The following ROBO2 variants were observed in gnomAD, a reference collection of about 807,000 sequenced individuals.
ROBO2 encodes the protein roundabout guidance receptor 2.
In ROBO2, 53 loss-of-function variants were observed where a neutral mutation model predicts 160.8. The observed-to-expected ratio is 0.33, with a 90% CI of 0.26 to 0.41. The LOEUF is 0.41. Ranked by LOEUF, ROBO2 falls within the 10% of genes least tolerant of loss-of-function variation. ROBO2 has a pLI of 1.00. For synonymous variants in ROBO2, 664 were observed against 611.7 expected, an observed-to-expected ratio of 1.09 and a Z score of -1.26; for missense variants, 1,577 against 1,722.4, an observed-to-expected ratio of 0.92 and a Z score of 1.49.
chr3:77,021,415 C>T (rs150905898), intron 2 of ROBO2, among the ~76,000 whole-genome samples: 10 of 152,244 alleles, frequency 6.6e-5, no homozygotes, highest in African/African-American at 2.4e-4. Flanking sequence ...ATCTCTCTCC[C>T]TCAAAGTACA....
At chr3:76,556,166 T>C (rs1420963622) in intron 2 of ROBO2, among the ~76,000 whole-genome samples, 1 of 152,048 alleles carries the variant, frequency 6.6e-6, no homozygotes, top group East Asian at 1.9e-4. Context: ...AAAAACTCCA[T>C]AGGTTGTAGT....
intron 2 of ROBO2, among the ~76,000 whole-genome samples, chr3:76,681,379 T>C (rs949891880): frequency 1.3e-4 from 20 of 152,294 alleles, no homozygotes; most frequent in African/African-American, 4.6e-4. Context: ...CTAAGCACTT[T>C]GCATTCAACC....
At chr3:77,030,221 G>A (rs2063233876) in intron 2 of ROBO2, among the ~76,000 whole-genome samples, 1 of 152,200 alleles carries the variant, frequency 6.6e-6, no homozygotes, top group African/African-American at 2.4e-5. Flanking sequence ...TGGGATTACA[G>A]GCGTAAGCCA....
chr3:76,510,579 C>A (rs2081037147), intron 2 of ROBO2, among the ~76,000 whole-genome samples: 1 of 152,064 alleles, frequency 6.6e-6, no homozygotes, highest in Admixed American at 6.6e-5. Context: ...CACAAATTAG[C>A]CAGATGTGGT....
intron 2 of ROBO2, among the ~76,000 whole-genome samples, chr3:77,283,312 C>T (rs764376156): frequency 6.6e-6 from 1 of 152,146 alleles, no homozygotes; most frequent in Non-Finnish European, 1.5e-5. Context: ...TGCTCTCACA[C>T]AACGTTACAG....
At chr3:76,484,937 T>C (rs946706471) in intron 2 of ROBO2, among the ~76,000 whole-genome samples, 1 of 152,104 alleles carries the variant, frequency 6.6e-6, no homozygotes, top group South Asian at 2.1e-4. Context: ...CAGGGCCCTA[T>C]TTGGTCAACT....
At chr3:77,418,306 A>C (rs1014105449) in intron 2 of ROBO2, among the ~76,000 whole-genome samples, 1 of 152,116 alleles carries the variant, frequency 6.6e-6, no homozygotes, top group Non-Finnish European at 1.5e-5. Context: ...TTTGGAGGAT[A>C]TTCTTATCAT....
At chr3:75,940,160 A>G (rs1161565735) in intron 2 of ROBO2, among the ~76,000 whole-genome samples, 3 of 152,180 alleles carry the variant, frequency 2.0e-5, no homozygotes, top group Non-Finnish European at 4.4e-5. Flanking sequence ...GGGAGTCCCA[A>G]TGTTCCTTCC....
intron 2 of ROBO2, among the ~76,000 whole-genome samples, chr3:76,226,911 G>A (rs1288301460): frequency 1.3e-5 from 2 of 152,144 alleles, no homozygotes; most frequent in East Asian, 3.9e-4. Flanking sequence ...TGTACTCACA[G>A]CAGTGAAAGC....
chr3:76,344,870 G>T (rs975904681), intron 2 of ROBO2, among the ~76,000 whole-genome samples: 2 of 151,968 alleles, frequency 1.3e-5, no homozygotes, highest in African/African-American at 4.8e-5. Context: ...TTCCATCCAG[G>T]GTGTTTAATA....
intron 2 of ROBO2, among the ~76,000 whole-genome samples, chr3:76,382,634 A>G (rs2076693328): frequency 6.6e-6 from 1 of 152,168 alleles, no homozygotes; most frequent in Non-Finnish European, 1.5e-5. Context: ...ACCTAATACA[A>G]CCTAATAATC....
At chr3:76,615,588 G>A (rs1037357688) in intron 2 of ROBO2, among the ~76,000 whole-genome samples, 2 of 152,120 alleles carry the variant, frequency 1.3e-5, no homozygotes, top group Non-Finnish European at 2.9e-5. Flanking sequence ...AACAGTTTAT[G>A]AGAGCATATC....
At chr3:76,631,951 C>T (rs972821830) in intron 2 of ROBO2, among the ~76,000 whole-genome samples, 2 of 152,320 alleles carry the variant, frequency 1.3e-5, no homozygotes, top group East Asian at 3.9e-4. Flanking sequence ...GGCATTACTT[C>T]AGCAAATACC....
chr3:77,243,759 AGGTTAGTAAT>A (rs1406318125), intron 2 of ROBO2, among the ~76,000 whole-genome samples: 1 of 152,240 alleles, frequency 6.6e-6, no homozygotes, highest in Admixed American at 6.5e-5. Context: ...TCTATGACAC[AGGTTAGTAAT>A]CCCTCCTTTA....
At chr3:77,094,152 C>G (rs1222616880) in intron 1 of ROBO2, among the ~76,000 whole-genome samples, 1 of 152,124 alleles carries the variant, frequency 6.6e-6, no homozygotes, top group African/African-American at 2.4e-5. Context: ...CCCTTCATTC[C>G]CCACTTCCAT....
intron 2 of ROBO2, among the ~76,000 whole-genome samples, chr3:76,321,130 A>C (rs1264976143): frequency 6.6e-6 from 1 of 152,186 alleles, no homozygotes; most frequent in Admixed American, 6.6e-5. Context: ...CCTGTAAATT[A>C]TGCATCTCCA....
chr3:76,235,289 C>G (rs1336253057), intron 2 of ROBO2, among the ~76,000 whole-genome samples: 1 of 152,014 alleles, frequency 6.6e-6, no homozygotes, highest in Non-Finnish European at 1.5e-5. Context: ...GCCCCACCGC[C>G]CAACACACAC....
At chr3:77,627,668 G>A (rs1052848114) in intron 23 of ROBO2, among the ~76,000 whole-genome samples, 5 of 152,164 alleles carry the variant, frequency 3.3e-5, no homozygotes, top group Non-Finnish European at 5.9e-5. Flanking sequence ...GTTTTTCTAC[G>A]TGTAGGCAAA....
intron 2 of ROBO2, among the ~76,000 whole-genome samples, chr3:76,094,624 T>C (rs2069365820): frequency 6.6e-6 from 1 of 152,192 alleles, no homozygotes; most frequent in Admixed American, 6.5e-5. Context: ...AGTAACCCCA[T>C]TGTTTCTTTG....
Sources: gnomAD v4.1 joint callset for allele counts (sites outside exome capture counted in the v4.1 genomes callset) on GRCh38, gnomAD v4.1.1 for gene constraint, MANE v1.5 for transcripts, NCBI Gene and HGNC (gene_info 2026-07-23, HGNC 2026-07-21) for gene names.